Variants in NDST3 observed in about 807,000 individuals in gnomAD.
NDST3 encodes N-deacetylase and N-sulfotransferase 3, also known as bifunctional heparan sulfate N-deacetylase/N-sulfotransferase 3.
Under a neutral mutation model 96.1 loss-of-function variants are expected in NDST3, and 58 were observed. The observed-to-expected ratio is 0.60, with a 90% confidence interval of 0.49 to 0.75. NDST3 has a LOEUF of 0.75. NDST3 is among the 30% of genes least tolerant of loss of function. NDST3 has a pLI of 0.00. For missense variants in NDST3, 788 were observed against 1,034.2 expected, an observed-to-expected ratio of 0.76 and a Z score of 3.27; for synonymous variants, 333 against 359.7, an observed-to-expected ratio of 0.93 and a Z score of 0.84.
chr4:118,131,793 G>A (rs1455728713), intron 4 of NDST3, among the ~76,000 whole-genome samples: 1 of 152,020 alleles, frequency 6.6e-6, no homozygotes, highest in African/African-American at 2.4e-5. Flanking sequence ...TATCACTGTG[G>A]TCCTTGCAGA....
rs78812192 is a variant in NDST3 at position 118,054,114 on chromosome 4, G to A, written c.204G>A (p.Met68Ile). The change falls in exon 2 of 14, where the codon ATG becomes ATA. Residue 68 changes from methionine to isoleucine, a missense_variant. Physicochemically the swap from Met to Ile is conservative, Grantham distance 10. This residue lies in a region of NDST3 where 234 missense variants were observed against 256.9 expected (regional missense o/e 0.91). Coordinates refer to ENST00000296499, the MANE Select transcript of NDST3 (RefSeq NM_004784.3). ...ATCAACTAATGGAAGTGAAAGCAAT[G>A]AAGCTTTTTGATGCCTCAAGGACAG... Reference protein sequence around the residue: ...LPYQLMEVKAMKLFDASRTDP... With the variant: ...LPYQLMEVKAIKLFDASRTDP... 5,376 of 1,612,908 alleles carry A rather than the reference G, an allele frequency of 3.3e-3. 15 individuals carry two copies. Among genetic ancestry groups the A allele is most frequent in the Middle Eastern group, 4.3e-3 (26 of 6,050 alleles).
At chr4:118,095,513 A>G (rs1729225508) in intron 2 of NDST3, among the ~76,000 whole-genome samples, 1 of 151,764 alleles carries the variant, frequency 6.6e-6, no homozygotes, top group Non-Finnish European at 1.5e-5. Flanking sequence ...AAAATTCAGG[A>G]GAAAATATGG....
chr4:118,185,569 C>A (rs1238560071), intron 6 of NDST3, among the ~76,000 whole-genome samples: 4 of 151,886 alleles, frequency 2.6e-5, no homozygotes, highest in Admixed American at 2.6e-4. Context: ...GAGCAAAGAA[C>A]AATTTGCAAA....
chr4:118,161,082 TCTAACAGA>T (rs1271645118), intron 6 of NDST3, among the ~76,000 whole-genome samples: 2 of 152,210 alleles, frequency 1.3e-5, no homozygotes, highest in Non-Finnish European at 2.9e-5. Context: ...TAGTTTTCCT[TCTAACAGA>T]CAGGACCCTC....
chr4:118,167,812 A>C (rs188284198), intron 6 of NDST3, among the ~76,000 whole-genome samples: 2 of 152,204 alleles, frequency 1.3e-5, no homozygotes, highest in East Asian at 3.9e-4. Flanking sequence ...CAATGAGGAA[A>C]AGATGGTCTC....
At chr4:118,034,114 AAAAC>A (rs1388993609), upstream of NDST3, among the ~76,000 whole-genome samples, 10 of 152,226 alleles carry the variant, frequency 6.6e-5, no homozygotes, top group East Asian at 9.6e-4. Context: ...TGGAAAGAAA[AAAAC>A]AAACAGCCTC....
intron 6 of NDST3, among the ~76,000 whole-genome samples, chr4:118,212,741 G>A (rs1421739706): frequency 2.0e-5 from 3 of 152,028 alleles, no homozygotes; most frequent in African/African-American, 7.2e-5. Context: ...CTATACATGA[G>A]GAAAGAACCA....
chr4:118,242,516 G>C (rs970532471), intron 12 of NDST3, among the ~76,000 whole-genome samples: 5 of 152,190 alleles, frequency 3.3e-5, no homozygotes, highest in Non-Finnish European at 5.9e-5. Flanking sequence ...TAACTAGGTA[G>C]TTTAGGAACT....
chr4:118,169,485 G>C (rs1007520581), intron 6 of NDST3, among the ~76,000 whole-genome samples: 2 of 151,960 alleles, frequency 1.3e-5, no homozygotes, highest in Non-Finnish European at 2.9e-5. Context: ...GATTTCTGTA[G>C]GTCAGAAATC....
intron 2 of NDST3, among the ~76,000 whole-genome samples, chr4:118,078,744 G>A (rs868700797): frequency 7.0e-5 from 10 of 142,478 alleles, no homozygotes; most frequent in African/African-American, 7.8e-5. Context: ...GCCAGACTCT[G>A]AAAAAAAAAA....
chr4:118,144,227 C>A (rs1477642301), intron 6 of NDST3, among the ~76,000 whole-genome samples: 1 of 151,766 alleles, frequency 6.6e-6, no homozygotes, highest in Admixed American at 6.6e-5. Flanking sequence ...GTCACCCAGG[C>A]TCGAGTGCAG....
intron 2 of NDST3, among the ~76,000 whole-genome samples, chr4:118,075,550 C>A (rs1226125673): frequency 1.3e-5 from 2 of 152,210 alleles, no homozygotes; most frequent in Non-Finnish European, 2.9e-5. Flanking sequence ...CACATCCTCT[C>A]CAGCACCTGT....
intron 2 of NDST3, among the ~76,000 whole-genome samples, chr4:118,075,880 C>T (rs1054166898): frequency 6.6e-6 from 1 of 152,138 alleles, no homozygotes; most frequent in East Asian, 1.9e-4. Context: ...GTTTCTTTTG[C>T]TGTGCAGAAG....
intron 1 of NDST3, among the ~76,000 whole-genome samples, chr4:118,046,176 G>A (rs768845195): frequency 5.3e-5 from 8 of 152,182 alleles, no homozygotes; most frequent in Non-Finnish European, 7.3e-5. Context: ...CAACAGCTCC[G>A]GGGGAATAGG....
At chr4:118,053,590 T>C (rs1477541140) in intron 1 of NDST3, among the ~76,000 whole-genome samples, 166 bp from the exon 2 acceptor site, 3 of 151,854 alleles carry the variant, frequency 2.0e-5, no homozygotes, top group Non-Finnish European at 4.4e-5. Context: ...TTTCTACCAG[T>C]CCCATGTCCT....
intron 12 of NDST3, among the ~76,000 whole-genome samples, chr4:118,253,248 T>G (rs1741871122): frequency 6.6e-6 from 1 of 152,206 alleles, no homozygotes; most frequent in African/African-American, 2.4e-5. Flanking sequence ...GGAGATGTGC[T>G]GACAATTTTT....
intron 4 of NDST3, among the ~76,000 whole-genome samples, chr4:118,116,954 T>C (rs1476484064): frequency 1.3e-5 from 2 of 152,076 alleles, no homozygotes; most frequent in African/African-American, 2.4e-5. Context: ...AACTAAAAAG[T>C]ATCATGTGTA....
intron 6 of NDST3, among the ~76,000 whole-genome samples, chr4:118,178,083 A>AT (rs1368590064): frequency 6.6e-6 from 1 of 151,974 alleles, no homozygotes; most frequent in African/African-American, 2.4e-5. Flanking sequence ...GAAAAAAAAA[A>AT]GCATAAGTCC....
In NDST3 at chr4:118,188,566, T is replaced by C. The variant is rs769754066; in HGVS notation, c.1540-35925T>C. On this transcript the variant is annotated intron_variant, in intron 6 of 13. Transcript: ENST00000296499. ...ATTTGACTTGCACCATGGAGTTTAT[T>C]CAAATTGCATATCTAAACAGTAGTG... 4.6e-5 allele frequency among the ~76,000 whole-genome samples: 7 copies of C among 152,138 alleles called. 1 individual carries two copies. Among genetic ancestry groups the C allele is most frequent in the Admixed American group, 1.3e-4 (2 of 15,264 alleles).
Sources: gnomAD v4.1 joint callset for allele counts (sites outside exome capture counted in the v4.1 genomes callset) on GRCh38, gnomAD v4.1.1 for gene constraint, gnomAD v4.1.1 regional missense constraint, MANE v1.5 for transcripts, NCBI Gene and HGNC (gene_info 2026-07-23, HGNC 2026-07-21) for gene names.